Variants in NUFIP1 observed in about 807,000 individuals in gnomAD.
NUFIP1 encodes the protein FMR1-interacting protein NUFIP1.
Under a neutral mutation model 56.2 loss-of-function variants are expected in NUFIP1, and 38 were observed. The ratio of observed to expected loss-of-function variants is 0.68; its 90% CI spans 0.52 to 0.89. The LOEUF (loss-of-function observed/expected upper bound fraction) is 0.89, where lower values mean the gene tolerates loss of function less well. Among genes scored for constraint, NUFIP1 ranks in the 40% least tolerant of loss-of-function variants. The pLI is 0.00. For synonymous variants in NUFIP1, 215 were observed against 212.4 expected, an observed-to-expected ratio of 1.01 and a Z score of -0.10; for missense variants, 567 against 605.8, an observed-to-expected ratio of 0.94 and a Z score of 0.67.
At chr13:44,956,419 G>C (rs992200127) in intron 7 of NUFIP1, among the ~76,000 whole-genome samples, 2 of 152,094 alleles carry the variant, frequency 1.3e-5, no homozygotes, top group Non-Finnish European at 2.9e-5. Flanking sequence ...GGTGGGGGGT[G>C]GATTGGGGAT....
intron 9 of NUFIP1, 117 bp from the exon 10 acceptor site, chr13:44,941,439 A>C: frequency 3.5e-6 from 2 of 579,154 alleles, no homozygotes; most frequent in Non-Finnish European, 6.1e-6. Flanking sequence ...AGAAATATGT[A>C]TTATATTCAC....
intron 5 of NUFIP1, among the ~76,000 whole-genome samples, chr13:44,967,305 C>T (rs1425792936): frequency 4.0e-5 from 6 of 151,766 alleles, no homozygotes; most frequent in Non-Finnish European, 5.9e-5. Context: ...GTCAGGAGTT[C>T]GAGACCAGCC....
At chr13:44,981,675 G>A (rs1007136160) in intron 2 of NUFIP1, among the ~76,000 whole-genome samples, 39 of 152,078 alleles carry the variant, frequency 2.6e-4, no homozygotes, top group African/African-American at 8.9e-4. Flanking sequence ...GCCAGGTGTG[G>A]TGGTGCGCAC....
intron 5 of NUFIP1, among the ~76,000 whole-genome samples, chr13:44,967,385 G>A (rs771072982): frequency 7.8e-4 from 118 of 152,042 alleles, no homozygotes; most frequent in Middle Eastern, 3.4e-3. Context: ...GCGGATGCCT[G>A]TAATCCCAGC....
At chr13:44,966,348 T>G (rs995430889) in intron 5 of NUFIP1, among the ~76,000 whole-genome samples, 3 of 152,166 alleles carry the variant, frequency 2.0e-5, no homozygotes, top group Non-Finnish European at 4.4e-5. Context: ...GGAGTCTCGT[T>G]CTGTCACCCA....
intron 1 of NUFIP1, among the ~76,000 whole-genome samples, 196 bp from the exon 2 acceptor site, chr13:44,982,350 A>G (rs1356391064): frequency 6.6e-6 from 1 of 152,224 alleles, no homozygotes; most frequent in Non-Finnish European, 1.5e-5. Context: ...AAACAAAGAA[A>G]GACTGGTGTG....
At chr13:44,950,416 G>T (rs1197096899) in intron 7 of NUFIP1, among the ~76,000 whole-genome samples, 11 of 152,118 alleles carry the variant, frequency 7.2e-5, no homozygotes, top group Non-Finnish European at 4.4e-5. Flanking sequence ...CATAATCTCG[G>T]CTCACCACAA....
At chr13:44,943,988 G>A (rs538393266) in intron 8 of NUFIP1, among the ~76,000 whole-genome samples, 32 of 152,208 alleles carry the variant, frequency 2.1e-4, no homozygotes, top group African/African-American at 7.7e-4. Flanking sequence ...AAGTAAATAT[G>A]TGAATAAATA....
intron 3 of NUFIP1, 103 bp from the exon 4 acceptor site, chr13:44,980,055 T>G (rs1054942494): frequency 2.5e-6 from 2 of 792,820 alleles, no homozygotes; most frequent in African/African-American, 3.5e-5. Context: ...TATTACATAG[T>G]TATCCCATCT....
At chr13:44,978,213 A>G (rs1459747495) in intron 5 of NUFIP1, among the ~76,000 whole-genome samples, 2 of 152,230 alleles carry the variant, frequency 1.3e-5, no homozygotes. Flanking sequence ...CTTAAAGGGC[A>G]GCATCTAACT....
In NUFIP1 at chr13:44,939,772, A is replaced by G. The variant is rs1452272501; in HGVS notation, c.*1434T>C. 6.6e-6 allele frequency: 1 copy of G among 152,214 alleles called. No individual in the cohort carries two copies. The highest frequency in any genetic ancestry group is 1.5e-5 in the Non-Finnish European group (1 of 68,044). The allele number at this position is 152,214 out of a possible 1,614,324, so 9.4% of individuals were successfully genotyped here. The stretch of plus-strand genomic sequence containing the variant: ...GGAAACAAGAAAAATGGAAAATAAA[A>G]CTGTTTCTATAATATACCTTAAGGC... On this transcript the variant is annotated 3_prime_UTR_variant, in exon 10 of 10. Transcript: ENST00000379161.
chr13:44,959,961 T>C (rs1350793406), intron 6 of NUFIP1, among the ~76,000 whole-genome samples: 1 of 151,750 alleles, frequency 6.6e-6, no homozygotes, highest in Non-Finnish European at 1.5e-5. Flanking sequence ...AGACAGAATC[T>C]TGCTCTGTCA....
chr13:44,971,916 T>A (rs2137915501), intron 5 of NUFIP1, among the ~76,000 whole-genome samples: 1 of 152,302 alleles, frequency 6.6e-6, no homozygotes, highest in Admixed American at 6.5e-5. Flanking sequence ...GATTTATTTT[T>A]TTTTTAACCT....
At position 44,943,351 on chromosome 13, in the gene NUFIP1, A is replaced by AACACACACACACAC. The variant is rs36045762; in HGVS notation, c.1371+77_1371+90dup. The AACACACACACACAC allele has an allele frequency of 1.7e-5, 16 of 938,674 alleles. No individual in the cohort carries two copies. In the African/African-American group the frequency reaches 1.7e-4, roughly 10 times the overall value. 58.1% of individuals were successfully genotyped at this position (938,674 alleles called of 1,614,324 possible). Reference sequence around the variant, plus strand: ...ATGTGTCTCTGGTAACCTTAAAACAAACACACACACACACACACACACACA... The same window carrying AACACACACACACAC: ...ATGTGTCTCTGGTAACCTTAAAACAAACACACACACACACACACACACACACACACACACACACA... On this transcript the variant is annotated intron_variant, in intron 9 of 9. Transcript: ENST00000379161.
intron 1 of NUFIP1, among the ~76,000 whole-genome samples, chr13:44,985,942 C>T (rs975568226): frequency 2.0e-5 from 3 of 152,160 alleles, no homozygotes; most frequent in Non-Finnish European, 4.4e-5. Context: ...GCCTCTTGTG[C>T]CAAACGGCTA....
chr13:44,972,523 C>A (rs2137915992), intron 5 of NUFIP1, among the ~76,000 whole-genome samples: 1 of 152,258 alleles, frequency 6.6e-6, no homozygotes, highest in South Asian at 2.1e-4. Context: ...GGGCATAAGG[C>A]AATTTTTCCA....
intron 1 of NUFIP1, among the ~76,000 whole-genome samples, chr13:44,983,688 T>C (rs144660092): frequency 6.6e-6 from 1 of 152,284 alleles, no homozygotes; most frequent in Non-Finnish European, 1.5e-5. Context: ...TCCCAGCTAC[T>C]TGTGAGGCTG....
intron 5 of NUFIP1, among the ~76,000 whole-genome samples, chr13:44,970,800 A>T (rs1871778536): frequency 6.6e-6 from 1 of 152,038 alleles, no homozygotes; most frequent in Admixed American, 6.6e-5. Context: ...TCAGCCTCCC[A>T]AGTATCTGGG....
chr13:44,988,932 C>A, intron 1 of NUFIP1, 93 bp downstream of exon 1: 1 of 1,307,670 alleles, frequency 7.6e-7, no homozygotes, highest in South Asian at 1.4e-5. Flanking sequence ...AGTGCAGAGG[C>A]AAGGCAGAGT....
Sources: gnomAD v4.1 joint callset for allele counts (sites outside exome capture counted in the v4.1 genomes callset) on GRCh38, gnomAD v4.1.1 for gene constraint, MANE v1.5 for transcripts, NCBI Gene and HGNC (gene_info 2026-07-23, HGNC 2026-07-21) for gene names.